Variants in GALNTL6 observed in about 807,000 individuals in gnomAD.
GALNTL6 encodes polypeptide N-acetylgalactosaminyltransferase-like 6.
In GALNTL6, 46 loss-of-function variants were observed where a neutral mutation model predicts 73.7. The ratio of observed to expected loss-of-function variants is 0.62; its 90% CI spans 0.49 to 0.80. The LOEUF is 0.80. Ranked by LOEUF, GALNTL6 falls within the 30% of genes least tolerant of loss-of-function variation. The pLI, the probability that GALNTL6 is intolerant of heterozygous loss-of-function variation, is 0.00. For synonymous variants in GALNTL6, 259 were observed against 263.7 expected (o/e 0.98, Z 0.17); for missense variants, 604 against 755.0 (o/e 0.80, Z 2.34).
chr4:172,618,627 CA>C (rs1414913772), intron 5 of GALNTL6, among the ~76,000 whole-genome samples: 3 of 152,154 alleles, frequency 2.0e-5, no homozygotes, highest in African/African-American at 7.2e-5. Context: ...TTATCACTTG[CA>C]TCTATACATT....
intron 4 of GALNTL6, among the ~76,000 whole-genome samples, chr4:172,324,099 T>G (rs1217016407): frequency 1.3e-5 from 2 of 152,000 alleles, no homozygotes; most frequent in Admixed American, 1.3e-4. Context: ...GTTAACTCAT[T>G]TACCATTATA....
At chr4:172,389,158 A>G (rs1046526754) in intron 5 of GALNTL6, among the ~76,000 whole-genome samples, 1 of 152,028 alleles carries the variant, frequency 6.6e-6, no homozygotes, top group East Asian at 1.9e-4. Context: ...AGACATCTCT[A>G]CCTACTTCAT....
At chr4:172,245,841 A>G (rs777685909) in intron 3 of GALNTL6, among the ~76,000 whole-genome samples, 10 of 152,158 alleles carry the variant, frequency 6.6e-5, no homozygotes, top group Non-Finnish European at 1.5e-4. Flanking sequence ...AACACTTTCC[A>G]GAGACTGACT....
At position 172,545,355 on chromosome 4, in the gene GALNTL6, C is replaced by G. The variant is rs552974970; in HGVS notation, c.553+196666C>G. ...AGGTGAAGATCCGTGGGTAAGAGAA[C>G]GTGAGTGAATTTCAGTGTTGCTAAC... On this transcript the variant is annotated intron_variant, in intron 5 of 12. Coordinates refer to ENST00000506823, the MANE Select transcript of GALNTL6 (RefSeq NM_001034845.3). Among the ~76,000 whole-genome samples the G allele has an allele frequency of 1.4e-4, 21 of 152,166 alleles. No individual in the cohort carries two copies. In the South Asian group the frequency reaches 4.1e-3, roughly 30 times the overall value.
chr4:172,543,940 C>T (rs1735664506), intron 5 of GALNTL6, among the ~76,000 whole-genome samples: 1 of 152,188 alleles, frequency 6.6e-6, no homozygotes, highest in South Asian at 2.1e-4. Flanking sequence ...CTCCTCACAA[C>T]AACCCTATGA....
chr4:172,567,951 T>G (rs1560812145), intron 5 of GALNTL6, among the ~76,000 whole-genome samples: 2 of 152,212 alleles, frequency 1.3e-5, no homozygotes, highest in African/African-American at 2.4e-5. Flanking sequence ...GGGCCAGATA[T>G]CTTATTACAA....
chr4:171,818,853 T>G (rs1734602810), intron 2 of GALNTL6, among the ~76,000 whole-genome samples: 1 of 152,156 alleles, frequency 6.6e-6, no homozygotes, highest in Non-Finnish European at 1.5e-5. Flanking sequence ...GTCTAATTCA[T>G]CTAATGTTAA....
At chr4:172,891,801 T>C (rs1349009835) in intron 8 of GALNTL6, among the ~76,000 whole-genome samples, 1 of 152,258 alleles carries the variant, frequency 6.6e-6, no homozygotes, top group African/African-American at 2.4e-5. Context: ...TCTCTTTATG[T>C]AATCCCATAT....
Position 172,533,014 on chromosome 4 carries a change from A to ATT in GALNTL6, c.553+184340_553+184341dup, listed in dbSNP as rs34090962. ...TTTAAAAACATTACATTTTTGTAGA[A>ATT]TTTTTTTTTTTTTTTTGAGATGGAG... On this transcript the variant is annotated intron_variant, in intron 5 of 12. Transcript: ENST00000506823. 2.2e-3 allele frequency among the ~76,000 whole-genome samples: 314 copies of ATT among 143,560 alleles called. 3 individuals carry two copies. The highest frequency in any genetic ancestry group is 0.021 in the South Asian group (95 of 4,526). 94.2% of individuals were successfully genotyped at this position (143,560 alleles called of 152,430 possible). A position where few individuals can be genotyped will look rare whatever the true frequency, so the allele number is the denominator to read the frequency against.
At chr4:171,897,224 G>A (rs568668566) in intron 2 of GALNTL6, among the ~76,000 whole-genome samples, 60 of 152,262 alleles carry the variant, frequency 3.9e-4, no homozygotes, top group South Asian at 1.2e-3. Flanking sequence ...TTAATTCATT[G>A]TGGAATGGAT....
At chr4:171,832,875 T>C (rs1033660813) in intron 2 of GALNTL6, among the ~76,000 whole-genome samples, 3 of 151,896 alleles carry the variant, frequency 2.0e-5, no homozygotes, top group Admixed American at 6.6e-5. Context: ...AACATAAACA[T>C]TCAATAAGCT....
rs139687998 is a variant in GALNTL6 at position 171,974,783 on chromosome 4, C to G, written c.138+160065C>G. Among the ~76,000 whole-genome samples, 365 of 152,094 alleles carry G rather than the reference C, an allele frequency of 2.4e-3. 1 individual carries two copies. Among genetic ancestry groups the G allele is most frequent in the African/African-American group, 7.8e-3 (323 of 41,496 alleles). On this transcript the variant is annotated intron_variant, in intron 2 of 12. Transcript: ENST00000506823. ...GTTACTTTTATGAATTTTGCAATAG[C>G]CTAATGAAAGAATAAAAATTACGTA...
At chr4:172,674,223 G>A (rs1435487845) in intron 5 of GALNTL6, among the ~76,000 whole-genome samples, 1 of 152,072 alleles carries the variant, frequency 6.6e-6, no homozygotes, top group Non-Finnish European at 1.5e-5. Flanking sequence ...TGCTTATGAA[G>A]CTTAGTTTGA....
chr4:172,995,093 T>G (rs555341084), intron 10 of GALNTL6, among the ~76,000 whole-genome samples: 1 of 152,304 alleles, frequency 6.6e-6, no homozygotes, highest in East Asian at 1.9e-4. Flanking sequence ...GGAAGTGGCT[T>G]TTCATGATTG....
rs1486329712 is a variant in GALNTL6, at chr4:172,093,918, A to G, written c.139-135738A>G. Among the ~76,000 whole-genome samples, 7 of 152,284 alleles carry G rather than the reference A, an allele frequency of 4.6e-5. No homozygotes were observed. The East Asian group carries it at 1.4e-3, about 29-fold the overall frequency. On this transcript the variant is annotated intron_variant, in intron 2 of 12. Coordinates refer to ENST00000506823, the MANE Select transcript of GALNTL6 (RefSeq NM_001034845.3). ...CTGCATTATGGTGAGTCGTATCATT[A>G]TTTCATTATATATTACAATGTCATA...
intron 2 of GALNTL6, among the ~76,000 whole-genome samples, chr4:171,954,866 T>A (rs72696987): frequency 0.028 from 4,332 of 152,256 alleles, 87 homozygotes; most frequent in Middle Eastern, 0.041. Flanking sequence ...GTTGTCTCTC[T>A]TCCTCCTGCT....
intron 2 of GALNTL6, among the ~76,000 whole-genome samples, chr4:171,962,643 C>A (rs1010100674): frequency 1.3e-5 from 2 of 149,694 alleles, no homozygotes; most frequent in East Asian, 2.2e-4. Flanking sequence ...AATAATCCAC[C>A]CCTTGTTTAC....
intron 11 of GALNTL6, among the ~76,000 whole-genome samples, chr4:173,014,816 C>T (rs11722826): frequency 0.37 from 56,435 of 151,940 alleles, 11,051 homozygotes; most frequent in African/African-American, 0.46. Context: ...ACAAACGGAC[C>T]CAGGCAACAT....
intron 2 of GALNTL6, among the ~76,000 whole-genome samples, chr4:172,115,866 TTC>T (rs1213841811): frequency 6.6e-6 from 1 of 152,098 alleles, no homozygotes; most frequent in Non-Finnish European, 1.5e-5. Flanking sequence ...AATTAATATT[TTC>T]TTTCTGTGAA....
Sources: allele counts gnomAD v4.1 joint callset (sites outside exome capture counted in the v4.1 genomes callset), GRCh38; gene constraint gnomAD v4.1.1; transcripts MANE v1.5; gene names NCBI Gene and HGNC (gene_info 2026-07-23, HGNC 2026-07-21).